SLC30A9: variants seen among roughly 807,000 people sequenced by gnomAD.
SLC30A9 encodes the protein solute carrier family 30 member 9.
A neutral mutation model predicts 87.5 loss-of-function variants in SLC30A9; 58 were observed. The observed-to-expected ratio is 0.66, with a 90% CI of 0.54 to 0.82. The LOEUF is 0.82. Ranked by LOEUF, SLC30A9 falls within the 40% of genes least tolerant of loss-of-function variation. The probability of loss-of-function intolerance (pLI) is 0.00; values close to 1 mark genes in which losing one functional copy is unlikely to be tolerated. For missense variants in SLC30A9, 557 were observed against 679.1 expected, an observed-to-expected ratio of 0.82 and a Z score of 2.00; for synonymous variants, 234 against 233.0, an observed-to-expected ratio of 1.00 and a Z score of -0.04.
intron 9 of SLC30A9, among the ~76,000 whole-genome samples, chr4:42,054,844 G>A (rs1371564850): frequency 1.3e-5 from 2 of 151,944 alleles, no homozygotes; most frequent in Non-Finnish European, 2.9e-5. Context: ...TAGTCTTGTG[G>A]CTGTATTTTC....
rs948291275 is a variant in SLC30A9, at chr4:41,990,563, G to A, written c.-89G>A. ...TGTGGCGGCGAAGCCATCGGTGTTC[G>A]CTGATGTCCAGTCTATGGAGTCAGT... On this transcript the variant is annotated 5_prime_UTR_variant, in exon 1 of 18. Coordinates refer to ENST00000264451, the MANE Select transcript of SLC30A9 (RefSeq NM_006345.4). The A allele has an allele frequency of 4.1e-6, 3 of 734,976 alleles. No homozygotes were observed. Among genetic ancestry groups the A allele is most frequent in the Middle Eastern group, 2.6e-4 (1 of 3,782 alleles). The allele number at this position is 734,976 out of a possible 1,614,324, so 45.5% of individuals were successfully genotyped here.
chr4:41,995,830 C>T (rs1444956150), intron 1 of SLC30A9, among the ~76,000 whole-genome samples: 2 of 152,210 alleles, frequency 1.3e-5, no homozygotes, highest in East Asian at 1.9e-4. Context: ...CCACTTCAGC[C>T]TTCTGAGTAG....
At position 42,055,068 on chromosome 4, in the gene SLC30A9, A is replaced by C. The variant is rs1717548595; in HGVS notation, c.841-5123A>C. ...GCCGGGCATGGTGGCTCATGCCTGTAATCCCAGCACTTTGGGAGGCCGAAG... is the reference window on the plus strand; with the variant it reads ...GCCGGGCATGGTGGCTCATGCCTGTCATCCCAGCACTTTGGGAGGCCGAAG... On this transcript the variant is annotated intron_variant, in intron 9 of 17. Transcript: ENST00000264451. Among the ~76,000 whole-genome samples, 6 of 152,000 alleles carry C rather than the reference A, an allele frequency of 3.9e-5. 1 individual carries two copies. In the South Asian group the frequency reaches 1.2e-3, roughly 32 times the overall value.
At chr4:42,037,239 C>CTTTTTTTTTTTTTT (rs536795831) in intron 7 of SLC30A9, among the ~76,000 whole-genome samples, 3 of 91,194 alleles carry the variant, frequency 3.3e-5, no homozygotes, top group Non-Finnish European at 4.2e-5. Flanking sequence ...TAAATGCCTT[C>CTTTTTTTTTTTTTT]TTTTTTTTTT....
At chr4:41,999,167 C>T (rs772034056) in intron 1 of SLC30A9, among the ~76,000 whole-genome samples, 5 of 152,084 alleles carry the variant, frequency 3.3e-5, no homozygotes, top group Non-Finnish European at 5.9e-5. Flanking sequence ...TAATGATATA[C>T]ACACAAATTA....
rs80299267 is a variant in SLC30A9, at chr4:42,057,440, T to C, written c.841-2751T>C. ...AACACCACGTGGAAGCTGCCAAGGC[T>C]TGGGGCTTCCACCTACTGAAGCAAT... is the stretch of plus-strand genomic sequence containing the variant. On this transcript the variant is annotated intron_variant, in intron 9 of 17. Coordinates refer to ENST00000264451, the MANE Select transcript of SLC30A9 (RefSeq NM_006345.4). Among the ~76,000 whole-genome samples, 969 of 152,320 alleles carry C rather than the reference T, an allele frequency of 6.4e-3. 15 individuals carry two copies. Among genetic ancestry groups the C allele is most frequent in the African/African-American group, 0.022 (932 of 41,558 alleles).
intron 15 of SLC30A9, among the ~76,000 whole-genome samples, chr4:42,074,590 G>C (rs1718447696): frequency 6.6e-6 from 1 of 152,086 alleles, no homozygotes; most frequent in Non-Finnish European, 1.5e-5. Flanking sequence ...CTGAAGAGCT[G>C]GGCTGGGGAG....
intron 11 of SLC30A9, among the ~76,000 whole-genome samples, chr4:42,064,749 A>T (rs1458335006): frequency 2.0e-5 from 3 of 152,190 alleles, no homozygotes; most frequent in Non-Finnish European, 2.9e-5. Flanking sequence ...TTTCCATTAG[A>T]CTATGGCCCT....
intron 9 of SLC30A9, among the ~76,000 whole-genome samples, chr4:42,052,819 G>A (rs1717435309): frequency 6.6e-6 from 1 of 152,168 alleles, no homozygotes; most frequent in Non-Finnish European, 1.5e-5. Flanking sequence ...AGACCTGGTA[G>A]GCAAAGATTT....
intron 9 of SLC30A9, among the ~76,000 whole-genome samples, chr4:42,053,498 C>T (rs970289638): frequency 6.6e-6 from 1 of 151,846 alleles, no homozygotes; most frequent in Non-Finnish European, 1.5e-5. Context: ...CGAGACCAGC[C>T]TGGCCAAGAT....
At chr4:42,039,218 G>A (rs1342819670) in intron 8 of SLC30A9, among the ~76,000 whole-genome samples, 165 bp downstream of exon 8, 1 of 152,038 alleles carries the variant, frequency 6.6e-6, no homozygotes, top group Non-Finnish European at 1.5e-5. Flanking sequence ...AAAGTGGTGG[G>A]GAAAGAGCAT....
At position 42,029,976 on chromosome 4, in the gene SLC30A9, C is replaced by G. The variant is rs75278728; in HGVS notation, c.611-5299C>G. 1.3e-3 allele frequency: 1,172 copies of G among 909,002 alleles called. 14 individuals carry two copies. In the African/African-American group the frequency reaches 0.017, roughly 13 times the overall value. The allele number at this position is 909,002 out of a possible 1,614,324, so 56.3% of individuals were successfully genotyped here. A position where few individuals can be genotyped will look rare whatever the true frequency, so the allele number is the denominator to read the frequency against. ...TGGCAAACTCCTGCAGCCCAAATAC[C>G]TGCAGCCTCTGCTTGTTGTACAGTT... On this transcript the variant is annotated intron_variant, in intron 6 of 17. Transcript: ENST00000264451.
chr4:42,060,049 A>G, intron 9 of SLC30A9, 142 bp from the exon 10 acceptor site: 1 of 568,608 alleles, frequency 1.8e-6, no homozygotes, highest in Non-Finnish European at 3.2e-6. Flanking sequence ...AAGTACTAGA[A>G]ACCAGAATTG....
chr4:42,008,925 G>A (rs1715327358), intron 2 of SLC30A9, among the ~76,000 whole-genome samples: 2 of 152,136 alleles, frequency 1.3e-5, no homozygotes, highest in Non-Finnish European at 2.9e-5. Context: ...AATATTGATT[G>A]AGAGTTTGAT....
intron 9 of SLC30A9, among the ~76,000 whole-genome samples, chr4:42,051,824 T>C (rs1333648735): frequency 6.6e-6 from 1 of 151,968 alleles, no homozygotes. Flanking sequence ...CTTTCAGAAA[T>C]AGAGAATGAA....
At chr4:42,017,637 G>T (rs1213382896) in intron 2 of SLC30A9, among the ~76,000 whole-genome samples, 1 of 151,978 alleles carries the variant, frequency 6.6e-6, no homozygotes, top group Non-Finnish European at 1.5e-5. Context: ...GGTAGGTGTA[G>T]GGTTGTACAG....
intron 17 of SLC30A9, among the ~76,000 whole-genome samples, chr4:42,082,586 G>A (rs1477784128): frequency 2.0e-5 from 3 of 152,176 alleles, no homozygotes; most frequent in East Asian, 1.9e-4. Flanking sequence ...AGTGGCTCAC[G>A]CCTGTCATCC....
At chr4:42,022,029 G>T (rs62302114) in intron 4 of SLC30A9, among the ~76,000 whole-genome samples, 1 of 39,334 alleles carries the variant, frequency 2.5e-5, no homozygotes, top group South Asian at 2.1e-3. Flanking sequence ...TCCGCTTCCC[G>T]GGTTCACGCC....
chr4:42,056,169 G>A (rs540373556), intron 9 of SLC30A9, among the ~76,000 whole-genome samples: 872 of 3,552 alleles, frequency 0.25, 4 homozygotes, highest in African/African-American at 0.27. Context: ...TGAATATTAA[G>A]GATTTTTAAA....
Sources: allele counts gnomAD v4.1 joint callset (sites outside exome capture counted in the v4.1 genomes callset), GRCh38; gene constraint gnomAD v4.1.1; transcripts MANE v1.5; gene names NCBI Gene and HGNC (gene_info 2026-07-23, HGNC 2026-07-21).